Variants in NGLY1 observed in about 807,000 individuals in gnomAD.
NGLY1 encodes peptide-N(4)-(N-acetyl-beta-glucosaminyl)asparagine amidase.
In NGLY1, 68 loss-of-function variants were observed where a neutral mutation model predicts 84.6. The ratio of observed to expected loss-of-function variants is 0.80; its 90% confidence interval spans 0.66 to 0.98. NGLY1 has a LOEUF of 0.98. Ranked by LOEUF, NGLY1 falls within the 50% of genes least tolerant of loss-of-function variation. NGLY1 has a pLI of 0.00. For missense variants in NGLY1, 779 were observed against 770.2 expected (o/e 1.01, Z -0.14); for synonymous variants, 280 against 275.2 (o/e 1.02, Z -0.17).
Position 25,764,291 on chromosome 3 carries a change from A to G in NGLY1, c.267T>C (p.Phe89=). 6.2e-7 allele frequency: 1 copy of G among 1,613,994 alleles called. No homozygotes were observed. The highest frequency in any genetic ancestry group is 8.5e-7 in the Non-Finnish European group (1 of 1,179,978). ...GCTGCTCCACTGAAGCTTTTTTAGG[A>G]AAGATGAGATGTGTTTCTCCCTGGA... ...GFEEGETHLI[F]PKKASVEQLQ... is the part of the protein sequence containing the mutation. The change falls in exon 3 of 12, where the codon TTT becomes TTC. Residue 89 remains phenylalanine, a synonymous_variant. Transcript: ENST00000280700.
At chr3:25,774,280 C>T (rs1431139627) in intron 2 of NGLY1, among the ~76,000 whole-genome samples, 1 of 152,158 alleles carries the variant, frequency 6.6e-6, no homozygotes, top group East Asian at 1.9e-4. Flanking sequence ...ACAGCATCAG[C>T]TGCAGTAGTA....
chr3:25,767,577 G>A (rs1707651608), intron 2 of NGLY1, among the ~76,000 whole-genome samples: 1 of 152,104 alleles, frequency 6.6e-6, no homozygotes, highest in African/African-American at 2.4e-5. Flanking sequence ...AGATCCATTT[G>A]GATCCTAATC....
intron 1 of NGLY1, among the ~76,000 whole-genome samples, chr3:25,780,897 TTTG>T (rs1708383564): frequency 6.6e-6 from 1 of 152,156 alleles, no homozygotes; most frequent in Admixed American, 6.5e-5. Flanking sequence ...TCGACTGGCC[TTTG>T]TTATTTTGAT....
intron 2 of NGLY1, among the ~76,000 whole-genome samples, chr3:25,764,610 C>G (rs1304612686): frequency 1.3e-5 from 2 of 151,310 alleles, no homozygotes; most frequent in East Asian, 1.9e-4. Flanking sequence ...AACAATAAGT[C>G]AGAAGGCCTC....
intron 2 of NGLY1, among the ~76,000 whole-genome samples, chr3:25,767,738 T>C (rs879581186): frequency 5.3e-5 from 8 of 152,240 alleles, no homozygotes; most frequent in Non-Finnish European, 7.3e-5. Flanking sequence ...AAGCCCACCA[T>C]GCTGGGAAAG....
Position 25,755,281 on chromosome 3 carries a change from C to T in NGLY1, c.493-4018G>A, listed in dbSNP as rs1439155113. ...GACCTAGACTCCCACCTGATAGATA[C>T]TGCTTAACAGCTCCAAACTATAGGC... On this transcript the variant is annotated intron_variant, in intron 3 of 11. Transcript: ENST00000280700. The T allele has an allele frequency of 2.9e-6, 4 of 1,366,528 alleles. No individual in the cohort carries two copies. In the Admixed American group the frequency reaches 6.7e-5, roughly 23 times the overall value. The allele number at this position is 1,366,528 out of a possible 1,614,324, so 84.7% of individuals were successfully genotyped here.
intron 1 of NGLY1, among the ~76,000 whole-genome samples, chr3:25,781,491 C>T (rs1708416729): frequency 6.6e-6 from 1 of 152,168 alleles, no homozygotes; most frequent in African/African-American, 2.4e-5. Context: ...CCCATCATAT[C>T]CTCTTTCCTA....
intron 4 of NGLY1, among the ~76,000 whole-genome samples, chr3:25,750,336 G>C (rs1249326926): frequency 1.3e-5 from 2 of 152,130 alleles, no homozygotes; most frequent in Non-Finnish European, 2.9e-5. Context: ...TGGGGACACA[G>C]AGCCAAACCA....
intron 1 of NGLY1, among the ~76,000 whole-genome samples, chr3:25,789,093 G>A (rs1161451328): frequency 6.6e-6 from 1 of 152,240 alleles, no homozygotes; most frequent in Non-Finnish European, 1.5e-5. Context: ...GCCTGGGATA[G>A]CATGTGAAAA....
At chr3:25,786,564 C>G (rs892811305), upstream of NGLY1, among the ~76,000 whole-genome samples, 16 of 152,174 alleles carry the variant, frequency 1.1e-4, no homozygotes, top group African/African-American at 3.9e-4. Flanking sequence ...ATATCTCCAA[C>G]TTGACTGAAG....
At chr3:25,729,346 C>A in intron 9 of NGLY1, 28 bp from the exon 10 acceptor site, 1 of 1,282,082 alleles carries the variant, frequency 7.8e-7, no homozygotes, top group South Asian at 2.6e-5. Flanking sequence ...ATTAGTTTTT[C>A]AACATTATGA....
chr3:25,757,220 C>T (rs1257502002), intron 3 of NGLY1, among the ~76,000 whole-genome samples: 1 of 152,034 alleles, frequency 6.6e-6, no homozygotes, highest in Non-Finnish European at 1.5e-5. Flanking sequence ...TAAAAATAGA[C>T]CTGATCAACT....
chr3:25,783,373 C>T lies in NGLY1; in HGVS notation c.18G>A (p.Leu6=). The T allele has an allele frequency of 6.5e-7, 1 of 1,546,356 alleles. No homozygotes were observed. Among genetic ancestry groups the T allele is most frequent in the Non-Finnish European group, 8.7e-7 (1 of 1,147,190 alleles). ...GGGACGCCGAGCCTGAGGAGCTGCCCAATGCCGCCGCCGCCATGCTTGAGC... is the reference window on the plus strand; with the variant it reads ...GGGACGCCGAGCCTGAGGAGCTGCCTAATGCCGCCGCCGCCATGCTTGAGC... The part of the protein sequence containing the change: MAAAA[L]GSSSGSASPA... The change falls in exon 1 of 12, where the codon TTG becomes TTA. Residue 6 remains leucine (L), a synonymous_variant. Coordinates refer to ENST00000280700, the MANE Select transcript of NGLY1 (RefSeq NM_018297.4). The surrounding 1 kb of genome is among the most constrained non-coding windows in gnomAD (Gnocchi z 4.5).
chr3:25,747,191 C>T (rs1706480092), intron 4 of NGLY1, among the ~76,000 whole-genome samples: 1 of 152,178 alleles, frequency 6.6e-6, no homozygotes. Context: ...ATTATCCTGT[C>T]TCTCCCCTGC....
At chr3:25,733,778 A>T in intron 8 of NGLY1, 94 bp downstream of exon 8, 1 of 593,156 alleles carries the variant, frequency 1.7e-6, no homozygotes, top group Non-Finnish European at 2.8e-6. Flanking sequence ...AAACAATGCT[A>T]CTACTTTAAG....
chr3:25,740,019 A>G (rs551612265), intron 4 of NGLY1, among the ~76,000 whole-genome samples: 1 of 152,328 alleles, frequency 6.6e-6, no homozygotes, highest in Admixed American at 6.5e-5. Flanking sequence ...AACATTTACC[A>G]TTTTATATCC....
At chr3:25,753,812 A>T (rs758672586) in intron 3 of NGLY1, among the ~76,000 whole-genome samples, 1 of 152,228 alleles carries the variant, frequency 6.6e-6, no homozygotes, top group Non-Finnish European at 1.5e-5. Flanking sequence ...AAGTTTAAAC[A>T]TCTTAGCAAT....
chr3:25,776,268 C>A (rs1398309676), intron 2 of NGLY1, among the ~76,000 whole-genome samples: 2 of 152,172 alleles, frequency 1.3e-5, no homozygotes, highest in Non-Finnish European at 2.9e-5. Flanking sequence ...CAGTACTGAG[C>A]AAACTGGAAT....
intron 9 of NGLY1, chr3:25,730,552 C>T (rs977204964): frequency 7.2e-5 from 11 of 152,084 alleles, no homozygotes; most frequent in African/African-American, 2.2e-4. Flanking sequence ...AACACAGCTG[C>T]GAATTAAATT....
Sources: allele counts gnomAD v4.1 joint callset (sites outside exome capture counted in the v4.1 genomes callset), GRCh38; gene constraint gnomAD v4.1.1; non-coding constraint Gnocchi (gnomAD v3.1); transcripts MANE v1.5; gene names NCBI Gene and HGNC (gene_info 2026-07-23, HGNC 2026-07-21).